ICA1: variants seen among roughly 807,000 people sequenced by gnomAD.
ICA1 encodes 69 kDa islet cell autoantigen.
In ICA1, 40 loss-of-function variants were observed where a neutral mutation model predicts 71.0. The observed-to-expected ratio is 0.56, with a 90% confidence interval of 0.44 to 0.73. The LOEUF (loss-of-function observed/expected upper bound fraction) is 0.73. Ranked by LOEUF, ICA1 falls within the 30% of genes least tolerant of loss-of-function variation. ICA1 has a pLI of 0.00. For synonymous variants in ICA1, 207 were observed against 209.5 expected, an observed-to-expected ratio of 0.99 and a Z score of 0.10; for missense variants, 578 against 576.5, an observed-to-expected ratio of 1.00 and a Z score of -0.03.
intron 1 of ICA1, among the ~76,000 whole-genome samples, chr7:8,260,017 C>G (rs1393603247): frequency 6.6e-6 from 1 of 152,030 alleles, no homozygotes; most frequent in African/African-American, 2.4e-5. Context: ...CACTAGTGAC[C>G]AGCGTGCTGA....
chr7:8,122,971 C>T (rs1032425081), intron 13 of ICA1, among the ~76,000 whole-genome samples: 1 of 152,216 alleles, frequency 6.6e-6, no homozygotes, highest in Admixed American at 6.5e-5. Context: ...AACATCGACT[C>T]TGAGGCCTCT....
intron 10 of ICA1, among the ~76,000 whole-genome samples, chr7:8,141,463 C>T (rs974468079): frequency 2.6e-5 from 4 of 152,314 alleles, no homozygotes; most frequent in South Asian, 2.1e-4. Context: ...TCTTATAATC[C>T]GCTGTGAAAA....
intron 13 of ICA1, among the ~76,000 whole-genome samples, chr7:8,117,034 A>G (rs766682498): frequency 3.3e-5 from 5 of 152,128 alleles, no homozygotes; most frequent in Admixed American, 2.6e-4. Flanking sequence ...GGTTTCCCCC[A>G]TGCTGTTCTC....
intron 4 of ICA1, among the ~76,000 whole-genome samples, 174 bp from the exon 5 acceptor site, chr7:8,221,572 C>T (rs1485425085): frequency 6.6e-6 from 1 of 152,198 alleles, no homozygotes; most frequent in Non-Finnish European, 1.5e-5. Context: ...AACTTTCAGG[C>T]TGTTCTTCCA....
chr7:8,136,216 T>C (rs1380808573), intron 12 of ICA1, among the ~76,000 whole-genome samples: 1 of 152,154 alleles, frequency 6.6e-6, no homozygotes, highest in Non-Finnish European at 1.5e-5. Flanking sequence ...TGCTTTTTGA[T>C]AACATTGTAC....
intron 6 of ICA1, among the ~76,000 whole-genome samples, chr7:8,192,055 T>C (rs533375986): frequency 7.2e-5 from 11 of 152,306 alleles, no homozygotes; most frequent in African/African-American, 2.6e-4. Flanking sequence ...AAAGTTCCTT[T>C]ATTCTTAAAT....
chr7:8,167,022 G>C (rs4601218), intron 6 of ICA1, among the ~76,000 whole-genome samples: 9,438 of 152,278 alleles, frequency 0.062, 362 homozygotes, highest in East Asian at 0.19. Flanking sequence ...ATATACTGCT[G>C]GTGGGAATGT....
At position 8,223,741 on chromosome 7, in the gene ICA1, A is replaced by C. The variant is rs1266264173; in HGVS notation, c.257-2343T>G. Among the ~76,000 whole-genome samples, 3 of 152,206 alleles carry C rather than the reference A, an allele frequency of 2.0e-5. No individual in the cohort carries two copies. The highest frequency in any genetic ancestry group is 7.2e-5 in the African/African-American group (3 of 41,446). On this transcript the variant is annotated intron_variant, in intron 4 of 13. Coordinates refer to ENST00000402384, the MANE Select transcript of ICA1 (RefSeq NM_001136020.3). This position sits in a 1 kb window ranked among gnomAD's most constrained non-coding sequence, Gnocchi z 4.1. The stretch of plus-strand genomic sequence containing the variant: ...CTAGGAGTTCAAGACCAGCCTGTGC[A>C]ACATAGCAAGACCCCTGTCTCTATT...
intron 1 of ICA1, among the ~76,000 whole-genome samples, chr7:8,253,819 G>T (rs909641767): frequency 6.6e-6 from 1 of 152,124 alleles, no homozygotes; most frequent in African/African-American, 2.4e-5. Flanking sequence ...ACAGAGGGAT[G>T]ACTTTAATTC....
intron 6 of ICA1, among the ~76,000 whole-genome samples, chr7:8,191,134 T>C (rs975708983): frequency 1.3e-5 from 2 of 152,188 alleles, no homozygotes; most frequent in Non-Finnish European, 2.9e-5. Flanking sequence ...GTAACTGAAA[T>C]CACTATTTTG....
intron 12 of ICA1, among the ~76,000 whole-genome samples, chr7:8,133,031 G>A (rs1381013868): frequency 6.6e-6 from 1 of 152,184 alleles, no homozygotes; most frequent in African/African-American, 2.4e-5. Context: ...GCCTTTAAGA[G>A]GTGATTGGGT....
At chr7:8,261,242 G>C (rs1049029658) in intron 1 of ICA1, among the ~76,000 whole-genome samples, 4 of 152,138 alleles carry the variant, frequency 2.6e-5, no homozygotes, top group African/African-American at 9.7e-5. Context: ...CAGAATAAGG[G>C]CGCGATACTT....
intron 1 of ICA1, among the ~76,000 whole-genome samples, chr7:8,249,203 T>C (rs1807245939): frequency 1.3e-5 from 2 of 152,240 alleles, no homozygotes; most frequent in African/African-American, 4.8e-5. Flanking sequence ...AGAGGCACAA[T>C]GCTGGCTTCC....
rs1318028227 is a variant in ICA1 at position 8,223,359 on chromosome 7, C to T, written c.257-1961G>A. 1 of 153,752 alleles carries T rather than the reference C, an allele frequency of 6.5e-6. No individual in the cohort carries two copies. Among genetic ancestry groups the T allele is most frequent in the African/African-American group, 2.4e-5 (1 of 41,490 alleles). The allele number at this position is 153,752 out of a possible 1,614,324, so 9.5% of individuals were successfully genotyped here. On this transcript the variant is annotated intron_variant, in intron 4 of 13. Coordinates refer to ENST00000402384, the MANE Select transcript of ICA1 (RefSeq NM_001136020.3). This position sits in a 1 kb window ranked among gnomAD's most constrained non-coding sequence, Gnocchi z 4.1. ...CATGGTTGACAAAATGTACTCTTTC[C>T]TAAATAAACCTAAGTAGGCTGAAAC...
chr7:8,218,558 T>A (rs1796088973), intron 5 of ICA1, 55 bp from the exon 6 acceptor site: 2 of 1,417,818 alleles, frequency 1.4e-6, no homozygotes, highest in Non-Finnish European at 2.0e-6. Context: ...GCAATTTAAA[T>A]CCTTGACATT....
intron 4 of ICA1, among the ~76,000 whole-genome samples, chr7:8,224,288 G>T (rs543395854): frequency 6.6e-6 from 1 of 152,134 alleles, no homozygotes; most frequent in Non-Finnish European, 1.5e-5. Flanking sequence ...CCAGGCAGCA[G>T]GAACACCCAG....
intron 13 of ICA1, among the ~76,000 whole-genome samples, chr7:8,126,016 T>C (rs1325023455): frequency 2.6e-5 from 4 of 152,348 alleles, no homozygotes; most frequent in South Asian, 2.1e-4. Flanking sequence ...GCAGCCCCAC[T>C]GTGGGCACTG....
intron 13 of ICA1, chr7:8,114,965 GAA>G (rs1562478798): frequency 6.6e-6 from 1 of 152,180 alleles, no homozygotes; most frequent in Non-Finnish European, 1.5e-5. Flanking sequence ...CCATCTGGCT[GAA>G]AAGAGTCTCA....
At chr7:8,160,118 A>C (rs906985683) in intron 6 of ICA1, among the ~76,000 whole-genome samples, 1 of 152,214 alleles carries the variant, frequency 6.6e-6, no homozygotes, top group Non-Finnish European at 1.5e-5. Context: ...GAAATTTTTC[A>C]AGCCATTGCA....
Sources: allele counts gnomAD v4.1 joint callset (sites outside exome capture counted in the v4.1 genomes callset), GRCh38; gene constraint gnomAD v4.1.1; non-coding constraint Gnocchi (gnomAD v3.1); transcripts MANE v1.5; gene names NCBI Gene and HGNC (gene_info 2026-07-23, HGNC 2026-07-21).